GON4L: variants seen among roughly 807,000 people sequenced by gnomAD.
GON4L encodes the protein GON-4-like protein.
A neutral mutation model predicts 211.8 loss-of-function variants in GON4L; 87 were observed. That is an observed-to-expected ratio of 0.41 (90% CI 0.35 to 0.49). GON4L has a LOEUF of 0.49. GON4L is among the 20% of genes least tolerant of loss of function. The pLI, the probability that GON4L is intolerant of heterozygous loss-of-function variation, is 0.15. For synonymous variants in GON4L, 875 were observed against 962.6 expected (o/e 0.91, Z 1.68); for missense variants, 2,155 against 2,659.5 (o/e 0.81, Z 4.17).
rs1352314684 is a variant in GON4L, at chr1:155,813,689, A to G, written c.1397T>C (p.Leu466Ser). ...QTRDSTFMEK[L>S]HAVDEELASS... Reference sequence around the variant, plus strand: ...AGCCAGCTCCTCATCTACCGCATGTAACTTCTCCATGAAAGTACTATCTCT... The same window carrying G: ...AGCCAGCTCCTCATCTACCGCATGTGACTTCTCCATGAAAGTACTATCTCT... Residue 466 changes from leucine to serine, a missense_variant, in exon 10 of 32, where the codon TTA (leucine) becomes TCA (serine). Leu to Ser is a moderately radical substitution (Grantham distance 145). Coordinates refer to ENST00000368331, the MANE Select transcript of GON4L (RefSeq NM_001282860.2). 6.2e-7 allele frequency: 1 copy of G among 1,613,890 alleles called. No individual in the cohort carries two copies. The highest frequency in any genetic ancestry group is 8.5e-7 in the Non-Finnish European group (1 of 1,179,744).
intron 12 of GON4L, among the ~76,000 whole-genome samples, chr1:155,791,697 G>A (rs1665579318): frequency 6.6e-6 from 1 of 151,588 alleles, no homozygotes; most frequent in Non-Finnish European, 1.5e-5. Flanking sequence ...GTGAAACCCC[G>A]TCTCTACTAA....
rs745335926 is a variant in GON4L at position 155,758,607 on chromosome 1, G to A, written c.5110-573C>T. On this transcript the variant is annotated intron_variant, in intron 24 of 31. Coordinates refer to ENST00000368331, the MANE Select transcript of GON4L (RefSeq NM_001282860.2). ...AAACTCCTGTCTACAGGCCAGCTGT[G>A]GTGGCTGATGCCTGTAATCCCAGCA... Among the ~76,000 whole-genome samples, 234 of 152,234 alleles carry A rather than the reference G, an allele frequency of 1.5e-3. 2 individuals are homozygous for A. Among genetic ancestry groups the A allele is most frequent in the Non-Finnish European group, 7.5e-4 (51 of 68,012 alleles).
chr1:155,802,391 T>C (rs1666758996), intron 11 of GON4L, among the ~76,000 whole-genome samples: 1 of 152,092 alleles, frequency 6.6e-6, no homozygotes, highest in African/African-American at 2.4e-5. Context: ...CTCTTACAGT[T>C]TTACAGTGAA....
At chr1:155,748,024 C>G, downstream of GON4L, 3 of 1,608,026 alleles carry the variant, frequency 1.9e-6, no homozygotes, top group African/African-American at 1.3e-5. Flanking sequence ...CTTTTGGTCT[C>G]GTGCACCTGA....
chr1:155,821,342 TTA>T, intron 5 of GON4L, 130 bp downstream of exon 5: 1 of 526,888 alleles, frequency 1.9e-6, no homozygotes. Context: ...CAAGTAATTC[TTA>T]TGTTTTGAAA....
intron 8 of GON4L, among the ~76,000 whole-genome samples, chr1:155,814,747 A>AACATAAAT (rs1557892048): frequency 6.7e-6 from 1 of 149,302 alleles, no homozygotes; most frequent in Non-Finnish European, 1.5e-5. Context: ...CTCTGTCTCA[A>AACATAAAT]AAATAAATAA....
chr1:155,788,437 T>G (rs914699832), intron 12 of GON4L, among the ~76,000 whole-genome samples: 2 of 152,172 alleles, frequency 1.3e-5, no homozygotes, highest in Admixed American at 1.3e-4. Flanking sequence ...GTGATTTGTC[T>G]CCTATACAGC....
intron 1 of GON4L, among the ~76,000 whole-genome samples, 151 bp downstream of exon 1, chr1:155,856,996 T>C (rs1379271800): frequency 6.6e-6 from 1 of 151,934 alleles, no homozygotes; most frequent in African/African-American, 2.4e-5. Flanking sequence ...CTGGCTCCAG[T>C]CCCCATTCCC....
chr1:155,763,100 G>A (rs921339923), intron 22 of GON4L, among the ~76,000 whole-genome samples: 1 of 152,026 alleles, frequency 6.6e-6, no homozygotes, highest in Non-Finnish European at 1.5e-5. Context: ...ATCTAGCAAC[G>A]GATGAGAATT....
chr1:155,820,007 G>A (rs1166918491), intron 6 of GON4L, among the ~76,000 whole-genome samples: 2 of 152,176 alleles, frequency 1.3e-5, no homozygotes, highest in South Asian at 2.1e-4. Flanking sequence ...CTCCGCCCCC[G>A]GGTTCAAGTG....
chr1:155,780,945 T>C (rs1624846), intron 14 of GON4L, among the ~76,000 whole-genome samples: 131,300 of 152,082 alleles, frequency 0.86, 58,183 homozygotes, highest in East Asian at 1. Context: ...CTTTCTTTTA[T>C]AGTATTTACT....
intron 1 of GON4L, 138 bp from the exon 2 acceptor site, chr1:155,853,944 G>A: frequency 1.5e-6 from 1 of 653,606 alleles, no homozygotes; most frequent in Non-Finnish European, 2.7e-6. Flanking sequence ...TTAGGTGGAA[G>A]TTGAGAGACA....
intron 11 of GON4L, among the ~76,000 whole-genome samples, chr1:155,803,429 G>C (rs1666869789): frequency 6.6e-6 from 1 of 151,940 alleles, no homozygotes; most frequent in Non-Finnish European, 1.5e-5. Context: ...ATTTTTAGTA[G>C]AGACAGGGTT....
chr1:155,807,455 C>A (rs1342984814), intron 10 of GON4L, among the ~76,000 whole-genome samples: 1 of 151,838 alleles, frequency 6.6e-6, no homozygotes, highest in African/African-American at 2.4e-5. Flanking sequence ...CACCTGTAAT[C>A]CCAGACTTTG....
intron 12 of GON4L, among the ~76,000 whole-genome samples, chr1:155,788,002 AT>A (rs1412049943): frequency 2.0e-5 from 3 of 151,998 alleles, no homozygotes; most frequent in Non-Finnish European, 4.4e-5. Flanking sequence ...TTTTTATTTT[AT>A]TTTTTTGAGA....
downstream of GON4L, chr1:155,748,647 G>C: frequency 6.2e-7 from 1 of 1,613,414 alleles, no homozygotes; most frequent in Non-Finnish European, 8.5e-7. Flanking sequence ...CTTGGCTCCA[G>C]GCCAGTCCCT....
rs773066640 is a variant in GON4L, at chr1:155,853,262, C to T, written c.505+14G>A. 1.9e-6 allele frequency: 3 copies of T among 1,609,454 alleles called. No homozygotes were observed. The East Asian group carries it at 6.7e-5, about 36-fold the overall frequency. On this transcript the variant is annotated intron_variant, in intron 2 of 31. Coordinates refer to ENST00000368331, the MANE Select transcript of GON4L (RefSeq NM_001282860.2). The stretch of plus-strand genomic sequence containing the variant: ...ATTGACAAGAATGTAACCTAGAGAC[C>T]TTGTATACCTTACCTCCTTCTTCCT...
intron 3 of GON4L, 94 bp downstream of exon 3, chr1:155,826,743 G>C (rs1571875190): frequency 2.4e-6 from 2 of 830,282 alleles, no homozygotes; most frequent in East Asian, 5.2e-5. Context: ...TAAAAATATA[G>C]TGAATTCAGG....
chr1:155,803,267 A>G (rs1666850907), intron 11 of GON4L, among the ~76,000 whole-genome samples: 1 of 136,648 alleles, frequency 7.3e-6, no homozygotes, highest in Non-Finnish European at 1.5e-5. Flanking sequence ...TTTTTTTGAG[A>G]TGGAGTCTCG....
Sources: gnomAD v4.1 joint callset for allele counts (sites outside exome capture counted in the v4.1 genomes callset) on GRCh38, gnomAD v4.1.1 for gene constraint, MANE v1.5 for transcripts, NCBI Gene and HGNC (gene_info 2026-07-23, HGNC 2026-07-21) for gene names.